NINJ2: variants seen among roughly 807,000 people sequenced by gnomAD.
NINJ2 encodes ninjurin-2.
A neutral mutation model predicts 11.7 loss-of-function variants in NINJ2; 12 were observed. The ratio of observed to expected loss-of-function variants is 1.02; its 90% CI spans 0.66 to 1.66. The LOEUF (loss-of-function observed/expected upper bound fraction) is 1.66, where lower values mean the gene tolerates loss of function less well. Among genes scored for constraint, NINJ2 ranks in the 40% most tolerant of loss-of-function variants. The probability of loss-of-function intolerance (pLI) is 0.00; values close to 1 mark genes in which losing one functional copy is unlikely to be tolerated. For missense variants in NINJ2, 187 were observed against 181.8 expected (o/e 1.03, Z -0.16); for synonymous variants, 93 against 76.8 (o/e 1.21, Z -1.10).
intron 1 of NINJ2, among the ~76,000 whole-genome samples, chr12:625,991 T>A (rs1748255215): frequency 6.6e-6 from 1 of 152,226 alleles, no homozygotes; most frequent in African/African-American, 2.4e-5. Flanking sequence ...GGTGAGGGAT[T>A]AGGCTGTAAG....
intron 1 of NINJ2, among the ~76,000 whole-genome samples, chr12:605,467 G>A (rs1430618573): frequency 1.3e-5 from 2 of 152,256 alleles, no homozygotes; most frequent in Non-Finnish European, 2.9e-5. Context: ...GGCTGAGGCC[G>A]GAGGATCGCT....
At position 565,350 on chromosome 12, in the gene NINJ2, T is replaced by C; in HGVS notation, c.314A>G (p.Asn105Ser). The C allele has an allele frequency of 6.2e-7, 1 of 1,614,216 alleles. No individual in the cohort carries two copies. The highest frequency in any genetic ancestry group is 1.3e-5 in the African/African-American group (1 of 75,058). Residue 105 changes from asparagine (N) to serine (S), a missense_variant, in exon 3 of 4, where the codon AAC (asparagine) becomes AGC (serine). By Grantham distance (46) the Asn-to-Ser change is conservative (BLOSUM62 1). Coordinates refer to ENST00000305108, the MANE Select transcript of NINJ2 (RefSeq NM_016533.6). Reference protein sequence around the residue: ...VEKQWRLNQLNNAATILVFFT... With the variant: ...VEKQWRLNQLSNAATILVFFT... ...GAAGACCAAGATGGTGGCTGCGTTGTTGAGCTGGTTGAGTCGCCACTGCTT... is the reference window on the plus strand; with the variant it reads ...GAAGACCAAGATGGTGGCTGCGTTGCTGAGCTGGTTGAGTCGCCACTGCTT...
intron 2 of NINJ2, chr12:565,649 G>A (rs538262696): frequency 1.0e-4 from 62 of 611,682 alleles, no homozygotes; most frequent in Non-Finnish European, 1.6e-4. Flanking sequence ...GTGGGGACGA[G>A]TGCTCATGGA....
intron 1 of NINJ2, among the ~76,000 whole-genome samples, chr12:648,812 C>G (rs1937736713): frequency 6.6e-6 from 1 of 152,176 alleles, no homozygotes; most frequent in African/African-American, 2.4e-5. Flanking sequence ...ACCTTAGAGT[C>G]TAAACAAATC....
At chr12:584,937 T>C (rs1394287628) in intron 1 of NINJ2, among the ~76,000 whole-genome samples, 3 of 151,752 alleles carry the variant, frequency 2.0e-5, no homozygotes, top group African/African-American at 7.3e-5. Context: ...GCCAATATGG[T>C]GAAACCCCGT....
intron 1 of NINJ2, among the ~76,000 whole-genome samples, chr12:592,733 T>G (rs911343746): frequency 6.6e-6 from 1 of 152,190 alleles, no homozygotes. Context: ...ACAAATTATT[T>G]GGTTAGTTGT....
In NINJ2 at chr12:611,221, C is replaced by CTTTCTT. The variant is rs1555165014; in HGVS notation, c.34-45049_34-45044dup. Among the ~76,000 whole-genome samples the CTTTCTT allele has an allele frequency of 3.2e-4, 41 of 129,858 alleles. No individual in the cohort carries two copies. In the East Asian group the frequency reaches 3.5e-3, roughly 11 times the overall value. The allele number at this position is 129,858 out of a possible 152,430, so 85.2% of individuals were successfully genotyped here. On this transcript the variant is annotated intron_variant, in intron 1 of 3. Transcript: ENST00000305108. ...TTTCTTTTTCTTTCCCTCTTTCTTT[C>CTTTCTT]TTTCTTTTTCTTTCTTTCTTTCTTT...
rs1592075949 is a variant in NINJ2 at position 581,392 on chromosome 12, G to T, written c.34-15214C>A. ...GGGATCAAAGCCGCTCCTGATTGGT[G>T]GGCCAGCCTGAATCTGCTGCGCCTG... On this transcript the variant is annotated intron_variant, in intron 1 of 3. Coordinates refer to ENST00000305108, the MANE Select transcript of NINJ2 (RefSeq NM_016533.6). This position sits in a 1 kb window ranked among gnomAD's most constrained non-coding sequence, Gnocchi z 4.9. 6.6e-6 allele frequency among the ~76,000 whole-genome samples: 1 copy of T among 152,134 alleles called. No individual in the cohort carries two copies. The highest frequency in any genetic ancestry group is 1.5e-5 in the Non-Finnish European group (1 of 68,024).
chr12:604,211 C>A (rs1713617919), intron 1 of NINJ2, among the ~76,000 whole-genome samples: 1 of 152,152 alleles, frequency 6.6e-6, no homozygotes, highest in Non-Finnish European at 1.5e-5. Context: ...ATCTGTAGAC[C>A]AATTTGGGGA....
intron 1 of NINJ2, among the ~76,000 whole-genome samples, chr12:626,939 C>T (rs1232407592): frequency 6.6e-6 from 1 of 151,938 alleles, no homozygotes; most frequent in East Asian, 1.9e-4. Flanking sequence ...TAAAAGAGTA[C>T]GCAGGTGTGG....
intron 1 of NINJ2, among the ~76,000 whole-genome samples, chr12:621,725 G>A (rs1948154862): frequency 6.6e-6 from 1 of 151,096 alleles, no homozygotes; most frequent in African/African-American, 2.4e-5. Flanking sequence ...ACTGAGGCAG[G>A]AGAATCACTT....
chr12:574,026 A>G (rs563810588), intron 1 of NINJ2, among the ~76,000 whole-genome samples: 1 of 152,324 alleles, frequency 6.6e-6, no homozygotes, highest in Non-Finnish European at 1.5e-5. Context: ...GTTCGAGACC[A>G]GCCTGGCCAA....
chr12:624,979 A>G (rs949945688), intron 1 of NINJ2, among the ~76,000 whole-genome samples: 5 of 150,846 alleles, frequency 3.3e-5, no homozygotes, highest in African/African-American at 7.3e-5. Context: ...CATGGTCGTG[A>G]GCACCTATAA....
intron 1 of NINJ2, among the ~76,000 whole-genome samples, chr12:661,228 G>C (rs1937953953): frequency 6.6e-6 from 1 of 152,096 alleles, no homozygotes; most frequent in Non-Finnish European, 1.5e-5. Flanking sequence ...ACAGGTGCAT[G>C]CCACCATGCC....
intron 1 of NINJ2, among the ~76,000 whole-genome samples, chr12:593,379 T>C (rs1203258719): frequency 1.3e-5 from 2 of 152,282 alleles, no homozygotes; most frequent in African/African-American, 2.4e-5. Context: ...CAGTGGCTCA[T>C]GCCTGTGATG....
rs1257393720 is a variant in NINJ2, at chr12:649,529, G to GTA, written c.33+13798_33+13799insTA. ...ACAGTGAATATGTGTGTGTGTATAT[G>GTA]TGTATATATATATATATATATATAG... is the stretch of plus-strand genomic sequence containing the variant. On this transcript the variant is annotated intron_variant, in intron 1 of 3. Transcript: ENST00000305108. Among the ~76,000 whole-genome samples, 25 of 19,448 alleles carry GTA rather than the reference G, an allele frequency of 1.3e-3. No individual in the cohort carries two copies. In the Admixed American group the frequency reaches 0.019, roughly 15 times the overall value. 12.8% of individuals were successfully genotyped at this position (19,448 alleles called of 152,430 possible).
Position 623,722 on chromosome 12 carries a change from C to T in NINJ2, c.33+39606G>A, listed in dbSNP as rs937468202. On this transcript the variant is annotated intron_variant, in intron 1 of 3. Transcript: ENST00000305108. Reference sequence around the variant, plus strand: ...AGGCAAGGGAGGTGAATTCAAATACCAGGATGTTGGGCAATATTTCAAAGA... The same window carrying T: ...AGGCAAGGGAGGTGAATTCAAATACTAGGATGTTGGGCAATATTTCAAAGA... Among the ~76,000 whole-genome samples, 66 of 152,126 alleles carry T rather than the reference C, an allele frequency of 4.3e-4. 1 individual carries two copies. The highest frequency in any genetic ancestry group is 4.4e-5 in the Non-Finnish European group (3 of 68,016).
At position 591,977 on chromosome 12, in the gene NINJ2, G is replaced by C. The variant is rs1212155471; in HGVS notation, c.34-25799C>G. Among the ~76,000 whole-genome samples, 1 of 151,496 alleles carries C rather than the reference G, an allele frequency of 6.6e-6. No homozygotes were observed. Among genetic ancestry groups the C allele is most frequent in the Non-Finnish European group, 1.5e-5 (1 of 67,980 alleles). On this transcript the variant is annotated intron_variant, in intron 1 of 3. Transcript: ENST00000305108. The surrounding 1 kb of genome is among the most constrained non-coding windows in gnomAD (Gnocchi z 5.0). ...TCCTGCTCTGCTCATCCTTCCAACT[G>C]CTCCTTTAGCCTGAAGGCCTGGAGC...
At position 565,311 on chromosome 12, in the gene NINJ2, A is replaced by G. The variant is rs1356164964; in HGVS notation, c.353T>C (p.Ile118Thr). Residue 118 changes from isoleucine to threonine, a missense_variant, in exon 3 of 4, where the codon ATC becomes ACC. Ile to Thr is a moderately conservative substitution (Grantham distance 89). Transcript: ENST00000305108. Reference protein sequence around the residue: ...ATILVFFTVVINVFITAFGAH... With the variant: ...ATILVFFTVVTNVFITAFGAH... ...CCCGAAGGCTGTAATGAAAACATTG[A>G]TGACCACAGTGAAGAAGACCAAGAT... 1 of 1,614,226 alleles carries G rather than the reference A, an allele frequency of 6.2e-7. No homozygotes were observed. The highest frequency in any genetic ancestry group is 8.5e-7 in the Non-Finnish European group (1 of 1,180,036).
Sources: gnomAD v4.1 joint callset for allele counts (sites outside exome capture counted in the v4.1 genomes callset) on GRCh38, gnomAD v4.1.1 for gene constraint, Gnocchi (gnomAD v3.1) non-coding constraint, MANE v1.5 for transcripts, NCBI Gene and HGNC (gene_info 2026-07-23, HGNC 2026-07-21) for gene names.